CACNA2D3: variants seen among roughly 807,000 people sequenced by gnomAD.
CACNA2D3 encodes the protein calcium voltage-gated channel auxiliary subunit alpha2delta 3.
Under a neutral mutation model 160.6 loss-of-function variants are expected in CACNA2D3, and 60 were observed. That is an observed-to-expected ratio of 0.37 (90% CI 0.30 to 0.46). The LOEUF (loss-of-function observed/expected upper bound fraction) is 0.46. Among genes scored for constraint, CACNA2D3 ranks in the 20% least tolerant of loss-of-function variants. The probability of loss-of-function intolerance (pLI) is 1.00; values close to 1 mark genes in which losing one functional copy is unlikely to be tolerated. For synonymous variants in CACNA2D3, 558 were observed against 492.9 expected, an observed-to-expected ratio of 1.13 and a Z score of -1.75; for missense variants, 1,205 against 1,365.0, an observed-to-expected ratio of 0.88 and a Z score of 1.85.
chr3:55,038,903 T>TAC (rs1444342908), intron 35 of CACNA2D3, among the ~76,000 whole-genome samples: 6 of 84,668 alleles, frequency 7.1e-5, no homozygotes, highest in African/African-American at 2.8e-4. Context: ...TATATATATA[T>TAC]ATATACACAC....
intron 2 of CACNA2D3, among the ~76,000 whole-genome samples, chr3:54,204,451 C>T (rs188674495): frequency 2.6e-5 from 4 of 151,940 alleles, no homozygotes; most frequent in African/African-American, 7.2e-5. Flanking sequence ...AGGAAAGCCA[C>T]GAATGTGAAA....
intron 27 of CACNA2D3, among the ~76,000 whole-genome samples, chr3:54,932,489 G>A (rs548779696): frequency 2.0e-5 from 3 of 152,080 alleles, no homozygotes. Context: ...TATTCAACTC[G>A]CTACAACAAA....
At chr3:55,014,725 C>T (rs1336065800) in intron 34 of CACNA2D3, among the ~76,000 whole-genome samples, 1 of 152,128 alleles carries the variant, frequency 6.6e-6, no homozygotes, top group Admixed American at 6.5e-5. Flanking sequence ...GAGTGAGACT[C>T]TGTCTCCAAC....
chr3:54,264,660 G>C (rs1256567006), intron 2 of CACNA2D3, among the ~76,000 whole-genome samples: 1 of 152,194 alleles, frequency 6.6e-6, no homozygotes, highest in Admixed American at 6.5e-5. Flanking sequence ...TAGGCTCAGT[G>C]CAGCTGGTGG....
chr3:54,257,378 A>T lies in CACNA2D3; in HGVS notation c.205-63064A>T, dbSNP rs1702316778. On this transcript the variant is annotated intron_variant, in intron 2 of 37. Coordinates refer to ENST00000474759, the MANE Select transcript of CACNA2D3 (RefSeq NM_018398.3). ...AATTAATTGTTCCACTTCATGTAAG[A>T]CCTGCATTCTTCTTTTGAGAGAGTA... Among the ~76,000 whole-genome samples the T allele has an allele frequency of 1.3e-5, 2 of 152,174 alleles. 1 individual carries two copies. The highest frequency in any genetic ancestry group is 1.3e-4 in the Admixed American group (2 of 15,274).
intron 2 of CACNA2D3, among the ~76,000 whole-genome samples, chr3:54,213,829 A>C (rs1480437745): frequency 6.6e-6 from 1 of 152,240 alleles, no homozygotes; most frequent in Non-Finnish European, 1.5e-5. Context: ...ATGTTCACTT[A>C]GATTGTTGTG....
chr3:54,444,527 G>C (rs760398532), intron 4 of CACNA2D3, among the ~76,000 whole-genome samples: 6 of 152,128 alleles, frequency 3.9e-5, no homozygotes, highest in Non-Finnish European at 8.8e-5. Flanking sequence ...TTCATAAACT[G>C]CTCTATTTTT....
chr3:54,950,909 A>G (rs1413929728), intron 27 of CACNA2D3, among the ~76,000 whole-genome samples: 4 of 152,210 alleles, frequency 2.6e-5, no homozygotes. Flanking sequence ...GTGAGAGGGA[A>G]AATAAAGAGG....
chr3:55,010,632 A>G (rs556737957), intron 34 of CACNA2D3, among the ~76,000 whole-genome samples: 2 of 152,180 alleles, frequency 1.3e-5, no homozygotes, highest in African/African-American at 4.8e-5. Flanking sequence ...GGCTATTACC[A>G]TTCTTATTAT....
At chr3:54,316,298 A>G (rs1703861808) in intron 2 of CACNA2D3, among the ~76,000 whole-genome samples, 1 of 152,268 alleles carries the variant, frequency 6.6e-6, no homozygotes, top group South Asian at 2.1e-4. Context: ...ATTTTGATGT[A>G]TGTCAACATT....
intron 4 of CACNA2D3, among the ~76,000 whole-genome samples, chr3:54,446,774 T>A (rs1455138693): frequency 6.6e-6 from 1 of 152,090 alleles, no homozygotes; most frequent in Non-Finnish European, 1.5e-5. Flanking sequence ...CAGTGCACGA[T>A]ATCTGACATA....
At chr3:54,556,250 A>G (rs896042036) in intron 5 of CACNA2D3, among the ~76,000 whole-genome samples, 1 of 152,196 alleles carries the variant, frequency 6.6e-6, no homozygotes, top group African/African-American at 2.4e-5. Context: ...ATCGTCCCAA[A>G]TTTAGGGTGG....
At chr3:55,005,143 G>A (rs1703065642) in intron 32 of CACNA2D3, among the ~76,000 whole-genome samples, 1 of 152,072 alleles carries the variant, frequency 6.6e-6, no homozygotes, top group Non-Finnish European at 1.5e-5. Flanking sequence ...AGGCGTGGTG[G>A]CGTGTGCCTA....
intron 35 of CACNA2D3, among the ~76,000 whole-genome samples, chr3:55,061,945 G>A (rs1223283856): frequency 2.6e-5 from 4 of 152,112 alleles, no homozygotes; most frequent in Non-Finnish European, 4.4e-5. Context: ...ATATCAAAGA[G>A]AAACTTCTAT....
intron 6 of CACNA2D3, among the ~76,000 whole-genome samples, chr3:54,563,494 G>A (rs1054958382): frequency 2.6e-5 from 4 of 152,206 alleles, no homozygotes; most frequent in African/African-American, 7.2e-5. Context: ...CCAGCGGTGC[G>A]TATCTCAGAG....
At chr3:54,331,513 A>G (rs1196369641) in intron 3 of CACNA2D3, among the ~76,000 whole-genome samples, 1 of 152,202 alleles carries the variant, frequency 6.6e-6, no homozygotes, top group East Asian at 1.9e-4. Context: ...CATCATTGAT[A>G]TCATCTCTGT....
chr3:54,758,364 G>T (rs1359954374), intron 12 of CACNA2D3, among the ~76,000 whole-genome samples: 1 of 152,108 alleles, frequency 6.6e-6, no homozygotes, highest in East Asian at 1.9e-4. Flanking sequence ...GGCTCAAGCT[G>T]ATTTTGAGAG....
chr3:54,123,387 C>T, intron 1 of CACNA2D3, 126 bp from the exon 2 acceptor site: 1 of 674,686 alleles, frequency 1.5e-6, no homozygotes, highest in Admixed American at 2.4e-5. Flanking sequence ...TCTATCTTTT[C>T]TTCTTTTAAA....
At chr3:54,876,715 A>G (rs1445419452) in intron 18 of CACNA2D3, among the ~76,000 whole-genome samples, 1 of 152,180 alleles carries the variant, frequency 6.6e-6, no homozygotes, top group African/African-American at 2.4e-5. Context: ...CCACCTGTAA[A>G]ATGGAGATAA....
Sources: gnomAD v4.1 joint callset for allele counts (sites outside exome capture counted in the v4.1 genomes callset) on GRCh38, gnomAD v4.1.1 for gene constraint, MANE v1.5 for transcripts, NCBI Gene and HGNC (gene_info 2026-07-23, HGNC 2026-07-21) for gene names.